The following SORT1 variants were observed in gnomAD, a reference collection of about 807,000 sequenced individuals.
The protein encoded by SORT1 is sortilin.
In SORT1, 39 loss-of-function variants were observed where a neutral mutation model predicts 101.7. The ratio of observed to expected loss-of-function variants is 0.38; its 90% CI spans 0.30 to 0.50. The LOEUF is 0.50. Among genes scored for constraint, SORT1 ranks in the 20% least tolerant of loss-of-function variants. The pLI is 0.90. For synonymous variants in SORT1, 396 were observed against 393.7 expected, an observed-to-expected ratio of 1.01 and a Z score of -0.07; for missense variants, 878 against 1,040.4, an observed-to-expected ratio of 0.84 and a Z score of 2.15.
At chr1:109,341,600 C>T (rs531409936) in intron 9 of SORT1, among the ~76,000 whole-genome samples, 1 of 152,284 alleles carries the variant, frequency 6.6e-6, no homozygotes, top group African/African-American at 2.4e-5. Flanking sequence ...CTGCCCGCCT[C>T]AGCCTCCCAA....
Position 109,355,373 on chromosome 1 carries a change from A to G in SORT1, c.537T>C (p.Ser179=), listed in dbSNP as rs571026081. The change falls in exon 4 of 20, where the codon TCT becomes TCC. Residue 179 remains serine (S), a synonymous_variant. Transcript: ENST00000256637. ...EFGMAIGPEN[S]GKVVLTAEVS... ...ATACAAGAATGAGTCTCACCTTTCC[A>G]GAGTTCTCAGGACCAATAGCCATGC... 459 of 1,547,580 alleles carry G rather than the reference A, an allele frequency of 3.0e-4. 6 individuals carry two copies. In the South Asian group the frequency reaches 4.9e-3, roughly 16 times the overall value.
chr1:109,317,001 T>A, intron 16 of SORT1, 43 bp from the exon 17 acceptor site: 1 of 1,244,036 alleles, frequency 8.0e-7, no homozygotes, highest in Non-Finnish European at 1.2e-6. Context: ...TAAGGATGTA[T>A]TCCTGGGTAC....
At position 109,347,510 on chromosome 1, in the gene SORT1, A is replaced by G; in HGVS notation, c.805T>C (p.Phe269Leu). The stretch of plus-strand genomic sequence containing the variant: ...CAGGAGCCATTTGCATAGGTTGTAA[A>G]GAAGATGGTGTTGTCTGATCCCCTA... ...AKWGSDNTIF[F>L]TTYANGSCKA... The change falls in exon 7 of 20, where the codon TTT becomes CTT. Residue 269 changes from phenylalanine (F) to leucine (L), a missense_variant. Phe to Leu is a conservative substitution (Grantham distance 22, BLOSUM62 0). Around this residue, in one of 2 missense-constraint regions of SORT1, gnomAD observed 684 missense variants for 894.5 expected, o/e 0.76. Coordinates refer to ENST00000256637, the MANE Select transcript of SORT1 (RefSeq NM_002959.7). 6.2e-7 allele frequency: 1 copy of G among 1,611,388 alleles called. No homozygotes were observed. The highest frequency in any genetic ancestry group is 8.5e-7 in the Non-Finnish European group (1 of 1,177,524).
chr1:109,370,013 A>G (rs1326511817), intron 1 of SORT1, among the ~76,000 whole-genome samples: 2 of 152,246 alleles, frequency 1.3e-5, no homozygotes, highest in Admixed American at 1.3e-4. Flanking sequence ...CCTTTACAGT[A>G]TAGCTGAAAA....
intron 11 of SORT1, among the ~76,000 whole-genome samples, chr1:109,334,238 A>G (rs927857649): frequency 3.3e-5 from 5 of 152,226 alleles, no homozygotes; most frequent in Non-Finnish European, 7.3e-5. Context: ...GGTATGTCCA[A>G]AAGATATCTG....
intron 1 of SORT1, among the ~76,000 whole-genome samples, chr1:109,373,350 A>C (rs1651616450): frequency 6.6e-6 from 1 of 152,150 alleles, no homozygotes; most frequent in Non-Finnish European, 1.5e-5. Context: ...AAAGACTTAC[A>C]CAGAAAAAAA....
chr1:109,335,859 G>C (rs1393414778), intron 11 of SORT1, among the ~76,000 whole-genome samples: 1 of 152,200 alleles, frequency 6.6e-6, no homozygotes. Context: ...TCTTGTTTCC[G>C]ATGAGCAAGG....
rs1239847651 is a variant in SORT1, at chr1:109,328,257, A to C, written c.1372-656T>G. On this transcript the variant is annotated intron_variant, in intron 11 of 19. Transcript: ENST00000256637. ...TTCAACTCTTTTGGATGTATAATCC[A>C]GAAGTGGAATTGCTGGATATGATAA... 7.9e-5 allele frequency among the ~76,000 whole-genome samples: 12 copies of C among 152,356 alleles called. No homozygotes were observed. The South Asian group carries it at 1.9e-3, about 24-fold the overall frequency.
At chr1:109,390,752 A>AGTGTGTGTGTGTGTGTGT (rs749381586) in intron 1 of SORT1, among the ~76,000 whole-genome samples, 4 of 144,424 alleles carry the variant, frequency 2.8e-5, no homozygotes, top group African/African-American at 1.1e-4. Flanking sequence ...AATATTAGAA[A>AGTGTGTGTGTGTGTGTGT]GTGTGTGTGT....
At chr1:109,317,205 G>A (rs961742279) in intron 16 of SORT1, among the ~76,000 whole-genome samples, 3 of 152,148 alleles carry the variant, frequency 2.0e-5, no homozygotes, top group Admixed American at 6.5e-5. Context: ...CTAAGAGACT[G>A]TGCCAAAGAA....
intron 10 of SORT1, among the ~76,000 whole-genome samples, chr1:109,337,191 C>T (rs1648890651): frequency 6.6e-6 from 1 of 152,096 alleles, no homozygotes; most frequent in African/African-American, 2.4e-5. Flanking sequence ...ATGATATAAA[C>T]TGTTGCAGGT....
intron 1 of SORT1, among the ~76,000 whole-genome samples, chr1:109,373,711 G>A (rs1651640050): frequency 6.6e-6 from 1 of 152,174 alleles, no homozygotes; most frequent in African/African-American, 2.4e-5. Flanking sequence ...CAGTGTTCCA[G>A]AACAAAGTTC....
At chr1:109,335,002 G>T (rs1336769961) in intron 11 of SORT1, among the ~76,000 whole-genome samples, 1 of 152,130 alleles carries the variant, frequency 6.6e-6, no homozygotes, top group Non-Finnish European at 1.5e-5. Flanking sequence ...GAAGAGGAAT[G>T]ATTAGCTCTA....
chr1:109,326,059 T>C (rs1053908934), intron 13 of SORT1, among the ~76,000 whole-genome samples: 1 of 149,838 alleles, frequency 6.7e-6, no homozygotes, highest in African/African-American at 2.4e-5. Flanking sequence ...TACTTCTTTT[T>C]TTTTTTTTTT....
intron 10 of SORT1, among the ~76,000 whole-genome samples, chr1:109,336,812 G>GAA (rs11356350): frequency 3.0e-5 from 4 of 135,592 alleles, no homozygotes; most frequent in Non-Finnish European, 4.7e-5. Flanking sequence ...TCTTGTCTCA[G>GAA]AAAAAAAAAA....
intron 8 of SORT1, among the ~76,000 whole-genome samples, chr1:109,344,034 G>A: frequency 6.6e-6 from 1 of 152,138 alleles, no homozygotes; most frequent in East Asian, 1.9e-4. Context: ...CCATTCAGGC[G>A]CTCAGGATAC....
At chr1:109,380,849 G>A (rs1402165385) in intron 1 of SORT1, among the ~76,000 whole-genome samples, 5 of 141,634 alleles carry the variant, frequency 3.5e-5, no homozygotes, top group South Asian at 2.2e-4. Context: ...AAAATTAGCC[G>A]GGTATGGTGG....
intron 3 of SORT1, among the ~76,000 whole-genome samples, 180 bp from the exon 4 acceptor site, chr1:109,355,649 C>G (rs896005480): frequency 4.5e-5 from 6 of 134,614 alleles, no homozygotes; most frequent in Non-Finnish European, 6.5e-5. Flanking sequence ...CCACCCGCCC[C>G]CCCCCCCACA....
chr1:109,387,847 G>C (rs1255887991), intron 1 of SORT1, among the ~76,000 whole-genome samples: 1 of 152,062 alleles, frequency 6.6e-6, no homozygotes, highest in East Asian at 1.9e-4. Flanking sequence ...GCTACTTGGG[G>C]GGCTGAGGCA....
Sources: gnomAD v4.1 joint callset for allele counts (sites outside exome capture counted in the v4.1 genomes callset) on GRCh38, gnomAD v4.1.1 for gene constraint, gnomAD v4.1.1 regional missense constraint, MANE v1.5 for transcripts, NCBI Gene and HGNC (gene_info 2026-07-23, HGNC 2026-07-21) for gene names.